NALF1: variants seen among roughly 807,000 people sequenced by gnomAD.
The protein encoded by NALF1 is NALCN channel auxiliary factor 1, also known as family with sequence similarity 155 member A.
In NALF1, 3 loss-of-function variants were observed where a neutral mutation model predicts 48.4. That is an observed-to-expected ratio of 0.06 (90% CI 0.03 to 0.16). The LOEUF (loss-of-function observed/expected upper bound fraction) is 0.16, where lower values mean the gene tolerates loss of function less well. Ranked by LOEUF, NALF1 falls within the 10% of genes least tolerant of loss-of-function variation. NALF1 has a pLI of 1.00. For missense variants in NALF1, 526 were observed against 571.5 expected (o/e 0.92, Z 0.81); for synonymous variants, 262 against 245.7 (o/e 1.07, Z -0.62).
At chr13:107,785,698 TAA>T (rs1878051182) in intron 1 of NALF1, among the ~76,000 whole-genome samples, 1 of 152,138 alleles carries the variant, frequency 6.6e-6, no homozygotes, top group African/African-American at 2.4e-5. Context: ...ACCTGTGGGA[TAA>T]AAAAGAGATT....
At chr13:107,358,616 A>G (rs1883005652) in intron 1 of NALF1, among the ~76,000 whole-genome samples, 1 of 152,176 alleles carries the variant, frequency 6.6e-6, no homozygotes, top group African/African-American at 2.4e-5. Context: ...AAGACATTCA[A>G]TAAAACACAG....
At chr13:107,844,909 G>A (rs1880132018) in intron 1 of NALF1, among the ~76,000 whole-genome samples, 1 of 152,012 alleles carries the variant, frequency 6.6e-6, no homozygotes, top group African/African-American at 2.4e-5. Flanking sequence ...TCATGTTTAT[G>A]ATACTAAAAC....
intron 1 of NALF1, among the ~76,000 whole-genome samples, chr13:107,822,895 T>A (rs1879398811): frequency 6.6e-6 from 1 of 152,150 alleles, no homozygotes; most frequent in Non-Finnish European, 1.5e-5. Flanking sequence ...CAAAAATTCA[T>A]GGGGTGTGAG....
At chr13:107,289,907 T>A (rs745946098) in intron 1 of NALF1, among the ~76,000 whole-genome samples, 4 of 152,170 alleles carry the variant, frequency 2.6e-5, no homozygotes, top group Non-Finnish European at 5.9e-5. Context: ...AGCTATTTTC[T>A]AAGAGCAGCA....
At chr13:107,644,991 C>T (rs1385994516) in intron 1 of NALF1, among the ~76,000 whole-genome samples, 1 of 151,992 alleles carries the variant, frequency 6.6e-6, no homozygotes, top group Non-Finnish European at 1.5e-5. Flanking sequence ...CATCCAATTG[C>T]TTTGCTTTAT....
At chr13:107,228,654 C>G (rs373568487) in intron 1 of NALF1, among the ~76,000 whole-genome samples, 49 of 152,270 alleles carry the variant, frequency 3.2e-4, no homozygotes, top group African/African-American at 1.2e-3. Flanking sequence ...GAGTCTCGCT[C>G]TGTTGCCTAG....
chr13:107,629,560 T>C (rs1308224523), intron 1 of NALF1, among the ~76,000 whole-genome samples: 2 of 152,136 alleles, frequency 1.3e-5, no homozygotes, highest in African/African-American at 4.8e-5. Flanking sequence ...AGTGACTTGC[T>C]TTTTCGAAAA....
At chr13:107,338,017 A>C (rs1882592658) in intron 1 of NALF1, among the ~76,000 whole-genome samples, 1 of 152,242 alleles carries the variant, frequency 6.6e-6, no homozygotes, top group South Asian at 2.1e-4. Flanking sequence ...AAGCTGTTAC[A>C]TACAAAGTGT....
intron 1 of NALF1, among the ~76,000 whole-genome samples, chr13:107,663,590 A>G (rs1880783167): frequency 6.6e-6 from 1 of 152,200 alleles, no homozygotes; most frequent in South Asian, 2.1e-4. Context: ...ATCTCATACC[A>G]CAGTTAAACC....
At position 107,504,955 on chromosome 13, in the gene NALF1, C is replaced by T. The variant is rs556191089; in HGVS notation, c.916-294200G>A. Reference sequence around the variant, plus strand: ...GTCTGGGAGATCCAGTGTCCAACAACACAAAGGACCTTGACTTCAGAGAGC... The same window carrying T: ...GTCTGGGAGATCCAGTGTCCAACAATACAAAGGACCTTGACTTCAGAGAGC... On this transcript the variant is annotated intron_variant, in intron 1 of 2. Transcript: ENST00000375915. Among the ~76,000 whole-genome samples the T allele has an allele frequency of 1.2e-4, 18 of 152,314 alleles. No homozygotes were observed. In the South Asian group the frequency reaches 3.7e-3, roughly 32 times the overall value.
At chr13:107,220,816 T>C (rs929808218) in intron 1 of NALF1, among the ~76,000 whole-genome samples, 12 of 151,546 alleles carry the variant, frequency 7.9e-5, no homozygotes, top group African/African-American at 2.9e-4. Flanking sequence ...GGGAGTGAGA[T>C]GGGCATGTCA....
rs1233532117 is a variant in NALF1 at position 107,866,618 on chromosome 13, G to T, written c.-22C>A. On this transcript the variant is annotated 5_prime_UTR_variant, in exon 1 of 3. Transcript: ENST00000375915. This position sits in a 1 kb window ranked among gnomAD's most constrained non-coding sequence, Gnocchi z 4.4. The stretch of plus-strand genomic sequence containing the variant: ...TCATATTTTGGGAACGCACAGCCCT[G>T]GCCGACTCCACCGTGAGGGCGCCTG... 6.3e-7 allele frequency: 1 copy of T among 1,578,270 alleles called. No individual in the cohort carries two copies. Among genetic ancestry groups the T allele is most frequent in the Non-Finnish European group, 8.6e-7 (1 of 1,168,242 alleles).
At chr13:107,329,624 T>C (rs545641443) in intron 1 of NALF1, among the ~76,000 whole-genome samples, 99 of 151,648 alleles carry the variant, frequency 6.5e-4, no homozygotes, top group East Asian at 1.9e-4. Flanking sequence ...TAACATTAGG[T>C]ATATCTCCTA....
intron 2 of NALF1, among the ~76,000 whole-genome samples, chr13:107,207,894 TCTC>T (rs1210891054): frequency 6.6e-6 from 1 of 152,138 alleles, no homozygotes; most frequent in Non-Finnish European, 1.5e-5. Flanking sequence ...TTCAAGCAAT[TCTC>T]CTATCTCAGC....
intron 1 of NALF1, among the ~76,000 whole-genome samples, chr13:107,741,486 G>C (rs1016095549): frequency 6.7e-6 from 1 of 149,576 alleles, no homozygotes; most frequent in African/African-American, 2.5e-5. Flanking sequence ...TCGTATGTAG[G>C]AGCAATCAGG....
rs1256104933 is a variant in NALF1, at chr13:107,272,465, C to T, written c.916-61710G>A. ...TCCTGACCTCATGATCCACCCGCCT[C>T]GGCCTCCCAAAGTGCTGGGATTACA... On this transcript the variant is annotated intron_variant, in intron 1 of 2. Coordinates refer to ENST00000375915, the MANE Select transcript of NALF1 (RefSeq NM_001080396.3). Among the ~76,000 whole-genome samples the T allele has an allele frequency of 2.1e-5, 3 of 139,660 alleles. 1 individual carries two copies. Among genetic ancestry groups the T allele is most frequent in the African/African-American group, 7.8e-5 (3 of 38,330 alleles). 91.6% of individuals were successfully genotyped at this position (139,660 alleles called of 152,430 possible). A position where few individuals can be genotyped will look rare whatever the true frequency, so the allele number is the denominator to read the frequency against.
chr13:107,635,965 C>T (rs986033004), intron 1 of NALF1, among the ~76,000 whole-genome samples: 1 of 152,042 alleles, frequency 6.6e-6, no homozygotes, highest in African/African-American at 2.4e-5. Flanking sequence ...CATAAGTGAG[C>T]TGTAAAGAAA....
At chr13:107,281,909 G>A (rs560490004) in intron 1 of NALF1, among the ~76,000 whole-genome samples, 58 of 152,258 alleles carry the variant, frequency 3.8e-4, no homozygotes, top group African/African-American at 1.4e-3. Context: ...CAGCCTGGGG[G>A]AAACCACCCC....
chr13:107,677,512 CATT>C (rs1881162165), intron 1 of NALF1, among the ~76,000 whole-genome samples: 1 of 152,066 alleles, frequency 6.6e-6, no homozygotes, highest in Non-Finnish European at 1.5e-5. Context: ...ATGCTGAGCA[CATT>C]ATTATTTATA....
Sources: allele counts gnomAD v4.1 joint callset (sites outside exome capture counted in the v4.1 genomes callset), GRCh38; gene constraint gnomAD v4.1.1; non-coding constraint Gnocchi (gnomAD v3.1); transcripts MANE v1.5; gene names NCBI Gene and HGNC (gene_info 2026-07-23, HGNC 2026-07-21).